The following MBOAT2 variants were observed in gnomAD, a reference collection of about 807,000 sequenced individuals.
The protein encoded by MBOAT2 is membrane-bound glycerophospholipid O-acyltransferase 2.
Under a neutral mutation model 63.4 loss-of-function variants are expected in MBOAT2, and 28 were observed. That is an observed-to-expected ratio of 0.44 (90% CI 0.33 to 0.61). The LOEUF is 0.61. Among genes scored for constraint, MBOAT2 ranks in the 20% least tolerant of loss-of-function variants. MBOAT2 has a pLI of 0.03. For synonymous variants in MBOAT2, 211 were observed against 215.6 expected (o/e 0.98, Z 0.19); for missense variants, 470 against 605.8 (o/e 0.78, Z 2.35).
chr2:8,861,137 T>C (rs10188725), intron 11 of MBOAT2: 2,853 of 153,676 alleles, frequency 0.019, 33 homozygotes, highest in Middle Eastern at 0.037. Context: ...TAGAGATCCT[T>C]AAATCATATT....
rs1344606066 is a variant in MBOAT2 at position 8,853,590 on chromosome 2, A to C, written c.*5089T>G. 1.3e-5 allele frequency: 2 copies of C among 152,170 alleles called. No homozygotes were observed. Among genetic ancestry groups the C allele is most frequent in the Non-Finnish European group, 2.9e-5 (2 of 68,020 alleles). The allele number at this position is 152,170 out of a possible 1,614,324, so 9.4% of individuals were successfully genotyped here. ...AAGAAACTGCCTAGTCATTTTACTT[A>C]TGTTGCTCTGTAACTTTTGGTTTTT... On this transcript the variant is annotated 3_prime_UTR_variant, in exon 13 of 13. Transcript: ENST00000305997.
chr2:8,970,295 A>T (rs1402467259), intron 1 of MBOAT2, among the ~76,000 whole-genome samples: 1 of 152,252 alleles, frequency 6.6e-6, no homozygotes, highest in Non-Finnish European at 1.5e-5. Flanking sequence ...AAATGAAGGC[A>T]GAAATAAAGA....
chr2:8,902,473 G>A (rs1665020775), intron 4 of MBOAT2, among the ~76,000 whole-genome samples: 1 of 152,172 alleles, frequency 6.6e-6, no homozygotes, highest in Non-Finnish European at 1.5e-5. Flanking sequence ...ATGTTCGGAC[G>A]TGTCCGGACT....
intron 2 of MBOAT2, among the ~76,000 whole-genome samples, chr2:8,950,443 T>C (rs1039064389): frequency 1.3e-5 from 2 of 152,130 alleles, no homozygotes; most frequent in African/African-American, 4.8e-5. Context: ...TGTTTGTTTG[T>C]TTGAGACACA....
intron 4 of MBOAT2, 38 bp from the exon 5 acceptor site, chr2:8,888,111 G>A: frequency 1.3e-6 from 2 of 1,563,318 alleles, no homozygotes; most frequent in Non-Finnish European, 1.8e-6. Context: ...TTTAAAAGAA[G>A]AAAGTTAAAA....
chr2:8,905,016 G>A (rs191327543), intron 4 of MBOAT2, among the ~76,000 whole-genome samples: 90 of 151,976 alleles, frequency 5.9e-4, no homozygotes, highest in African/African-American at 2.1e-3. Context: ...ACACACGCGC[G>A]CAGTTTCTCC....
chr2:8,965,492 A>G (rs1396880633), intron 1 of MBOAT2, among the ~76,000 whole-genome samples: 2 of 152,136 alleles, frequency 1.3e-5, no homozygotes. Flanking sequence ...TGATCTTATC[A>G]TTTTTAAATT....
At chr2:8,912,413 A>AAGAAAGAAAGAAAGAAAGAAAGAC (rs1274023844) in intron 3 of MBOAT2, among the ~76,000 whole-genome samples, 20 of 136,798 alleles carry the variant, frequency 1.5e-4, no homozygotes, top group African/African-American at 4.1e-4. Context: ...GAAAGAAAGA[A>AAGAAAGAAAGAAAGAAAGAAAGAC]AGACAGGCCG....
chr2:8,922,659 C>A (rs1231527914), intron 3 of MBOAT2, among the ~76,000 whole-genome samples: 1 of 152,194 alleles, frequency 6.6e-6, no homozygotes, highest in African/African-American at 2.4e-5. Flanking sequence ...GCTCAAACAC[C>A]CGAAGCCAGT....
chr2:8,877,546 T>C (rs991749229), intron 6 of MBOAT2, among the ~76,000 whole-genome samples: 2 of 152,246 alleles, frequency 1.3e-5, no homozygotes, highest in African/African-American at 2.4e-5. Context: ...TGCTGTGCAC[T>C]GTGTGCCCCA....
intron 8 of MBOAT2, among the ~76,000 whole-genome samples, chr2:8,872,834 T>C (rs1285673529): frequency 1.3e-5 from 2 of 152,252 alleles, no homozygotes; most frequent in East Asian, 3.8e-4. Flanking sequence ...GTATCTATCC[T>C]GGCTAGCACT....
chr2:8,957,169 T>C (rs1239132552), intron 2 of MBOAT2, among the ~76,000 whole-genome samples: 1 of 152,216 alleles, frequency 6.6e-6, no homozygotes, highest in Non-Finnish European at 1.5e-5. Flanking sequence ...AGCTGAGTGA[T>C]GGGCATATGA....
intron 1 of MBOAT2, among the ~76,000 whole-genome samples, chr2:8,963,196 C>T (rs1350511048): frequency 1.3e-5 from 2 of 151,360 alleles, no homozygotes; most frequent in African/African-American, 4.9e-5. Flanking sequence ...TGTGATCACG[C>T]CACTGCATTC....
At chr2:8,933,849 C>T (rs1022031128) in intron 3 of MBOAT2, among the ~76,000 whole-genome samples, 3 of 152,090 alleles carry the variant, frequency 2.0e-5, no homozygotes, top group African/African-American at 7.2e-5. Flanking sequence ...AATCCCCCCA[C>T]TTCATATAAA....
intron 4 of MBOAT2, among the ~76,000 whole-genome samples, chr2:8,891,124 T>G (rs73149379): frequency 6.6e-6 from 1 of 152,258 alleles, no homozygotes; most frequent in Non-Finnish European, 1.5e-5. Context: ...CATTTCCTGA[T>G]GGTCATTAGC....
chr2:8,903,677 C>T (rs1436474108), intron 4 of MBOAT2, among the ~76,000 whole-genome samples: 1 of 152,204 alleles, frequency 6.6e-6, no homozygotes, highest in Admixed American at 6.5e-5. Flanking sequence ...TAGCTTTCCC[C>T]ACGGATTTCT....
intron 6 of MBOAT2, among the ~76,000 whole-genome samples, chr2:8,878,937 G>A (rs917789214): frequency 4.0e-5 from 6 of 151,160 alleles, no homozygotes; most frequent in East Asian, 1.9e-4. Flanking sequence ...TTAGCCGGGC[G>A]TAGTGGCGGG....
chr2:8,995,768 G>T lies in MBOAT2; in HGVS notation c.75+7772C>A, dbSNP rs373867057. ...ACCATGCCCGGCCTAATTTTTTGTA[G>T]TTTTAGTAGAGACGGGGTTTCACCG... On this transcript the variant is annotated intron_variant, in intron 1 of 12. Transcript: ENST00000305997. Among the ~76,000 whole-genome samples, 333 of 151,914 alleles carry T rather than the reference G, an allele frequency of 2.2e-3. 1 individual carries two copies. The highest frequency in any genetic ancestry group is 6.6e-3 in the African/African-American group (273 of 41,428).
chr2:9,001,922 AAT>A (rs1257300448), intron 1 of MBOAT2, among the ~76,000 whole-genome samples: 1 of 152,152 alleles, frequency 6.6e-6, no homozygotes, highest in African/African-American at 2.4e-5. Context: ...AAGAAATGTA[AAT>A]ATATAAACCT....
Sources: gnomAD v4.1 joint callset for allele counts (sites outside exome capture counted in the v4.1 genomes callset) on GRCh38, gnomAD v4.1.1 for gene constraint, MANE v1.5 for transcripts, NCBI Gene and HGNC (gene_info 2026-07-23, HGNC 2026-07-21) for gene names.